The following C20orf96 variants were observed in gnomAD, a reference collection of about 807,000 sequenced individuals.
C20orf96 encodes the protein uncharacterized protein C20orf96.
A neutral mutation model predicts 52.6 loss-of-function variants in C20orf96; 57 were observed. The observed-to-expected ratio is 1.08, with a 90% confidence interval of 0.88 to 1.35. The LOEUF is 1.35. Among genes scored for constraint, C20orf96 ranks in the 40% most tolerant of loss-of-function variants. C20orf96 has a pLI of 0.00. For missense variants in C20orf96, 478 were observed against 443.6 expected (o/e 1.08, Z -0.70); for synonymous variants, 168 against 157.2 (o/e 1.07, Z -0.51).
At chr20:284,320 A>G (rs562482167) in intron 3 of C20orf96, among the ~76,000 whole-genome samples, 1 of 152,306 alleles carries the variant, frequency 6.6e-6, no homozygotes, top group African/African-American at 2.4e-5. Flanking sequence ...AACTATGGAC[A>G]TGGACAGAGG....
Position 279,474 on chromosome 20 carries a change from G to C in C20orf96, c.307-144C>G, listed in dbSNP as rs1203508364. Reference sequence around the variant, plus strand: ...CTGGTAAACGCGGCCCAAGCTGGGCGGTTCCCCATTGTCTGCGCCGCCCGG... The same window carrying C: ...CTGGTAAACGCGGCCCAAGCTGGGCCGTTCCCCATTGTCTGCGCCGCCCGG... On this transcript the variant is annotated intron_variant, in intron 4 of 10. Coordinates refer to ENST00000360321, the MANE Select transcript of C20orf96 (RefSeq NM_153269.3). 160 of 925,294 alleles carry C rather than the reference G, an allele frequency of 1.7e-4. 1 individual carries two copies. Among genetic ancestry groups the C allele is most frequent in the East Asian group, 3.4e-5 (1 of 29,846 alleles). The allele number at this position is 925,294 out of a possible 1,614,324, so 57.3% of individuals were successfully genotyped here. A position where few individuals can be genotyped will look rare whatever the true frequency, so the allele number is the denominator to read the frequency against.
At chr20:282,212 A>G (rs2012271139) in intron 4 of C20orf96, among the ~76,000 whole-genome samples, 2 of 152,156 alleles carry the variant, frequency 1.3e-5, no homozygotes, top group Admixed American at 6.5e-5. Flanking sequence ...GTTAGCACCT[A>G]AACAATTACT....
Position 276,868 on chromosome 20 carries a change from A to G in C20orf96, c.837T>C (p.Arg279=). Residue 279 remains arginine, a synonymous_variant, in exon 9 of 11, where the codon CGT becomes CGC. Coordinates refer to ENST00000360321, the MANE Select transcript of C20orf96 (RefSeq NM_153269.3). ...TCTGTAGGAGAGCCTCTTCATAGGG[A>G]CGCTGGGTTTCCTGTGGAGGAAGAA... is the stretch of plus-strand genomic sequence containing the variant. The part of the protein sequence containing the change: ...ILSSVVAETQ[R]PYEEALLQKM... 6.2e-7 allele frequency: 1 copy of G among 1,613,952 alleles called. No individual in the cohort carries two copies. Among genetic ancestry groups the G allele is most frequent in the South Asian group, 1.1e-5 (1 of 91,062 alleles).
intron 4 of C20orf96, among the ~76,000 whole-genome samples, chr20:281,721 G>A (rs1480986490): frequency 6.6e-6 from 1 of 151,984 alleles, no homozygotes; most frequent in Non-Finnish European, 1.5e-5. Flanking sequence ...GTTCACACCT[G>A]TAATCCCAGC....
At position 279,349 on chromosome 20, in the gene C20orf96, G is replaced by C; in HGVS notation, c.307-19C>G. On this transcript the variant is annotated intron_variant, in intron 4 of 10. Transcript: ENST00000360321. ...GCGAGGTCTGCGGGCGGAGGGAAGAGCAGAGAGGCGGCGCTGCGCCCTGCC... is the reference window on the plus strand; with the variant it reads ...GCGAGGTCTGCGGGCGGAGGGAAGACCAGAGAGGCGGCGCTGCGCCCTGCC... 1 of 1,598,060 alleles carries C rather than the reference G, an allele frequency of 6.3e-7. No homozygotes were observed. The highest frequency in any genetic ancestry group is 1.7e-4 in the Middle Eastern group (1 of 6,028).
rs202151229 is a variant in C20orf96 at position 273,982 on chromosome 20, AAGAC to A, written c.1031+1982_1031+1985del. ...AAGAAAGAAAAAGAAAGAAAAGAGAAAGACAGAGAGAGAAAGAAAGAAAGAAAAA... is the reference window on the plus strand; with the variant it reads ...AAGAAAGAAAAAGAAAGAAAAGAGAAAGAGAGAGAAAGAAAGAAAGAAAAA... On this transcript the variant is annotated intron_variant, in intron 10 of 10. Coordinates refer to ENST00000360321, the MANE Select transcript of C20orf96 (RefSeq NM_153269.3). Among the ~76,000 whole-genome samples the A allele has an allele frequency of 3.2e-3, 477 of 148,498 alleles. 2 individuals carry two copies. The highest frequency in any genetic ancestry group is 0.017 in the East Asian group (83 of 5,028).
At chr20:278,574 C>T in intron 5 of C20orf96, 145 bp from the exon 6 acceptor site, 1 of 672,832 alleles carries the variant, frequency 1.5e-6, no homozygotes, top group Non-Finnish European at 2.7e-6. Context: ...ACAGTGTCCA[C>T]CCATAGGGTT....
chr20:281,164 A>C (rs929158358), intron 4 of C20orf96, among the ~76,000 whole-genome samples: 3 of 149,784 alleles, frequency 2.0e-5, no homozygotes, highest in African/African-American at 7.3e-5. Flanking sequence ...TCTAAAAGTA[A>C]ATAAATAAAT....
chr20:276,967 G>C lies in C20orf96; in HGVS notation c.825+77C>G, dbSNP rs2277780. On this transcript the variant is annotated intron_variant, in intron 8 of 10. Coordinates refer to ENST00000360321, the MANE Select transcript of C20orf96 (RefSeq NM_153269.3). The stretch of plus-strand genomic sequence containing the variant: ...GACCGATGGGGCTGCAGTGGGCCTG[G>C]AGGCAGAGGATGGGGAAGAGGGCGG... 1,954 of 1,597,692 alleles carry C rather than the reference G, an allele frequency of 1.2e-3. 26 individuals carry two copies. In the East Asian group the frequency reaches 0.027, roughly 22 times the overall value.
intron 4 of C20orf96, among the ~76,000 whole-genome samples, chr20:279,868 G>A (rs923239139): frequency 8.5e-5 from 13 of 152,102 alleles, no homozygotes; most frequent in Admixed American, 3.9e-4. Context: ...TACTGGGGAG[G>A]CTGAGGCAGG....
At position 270,955 on chromosome 20, in the gene C20orf96, G is replaced by C; in HGVS notation, c.*252C>G. ...CCAGCAGCACCAACCAGAAAGAAGGGAAGAAGAGAGGAAAAAACCACAGGA... is the reference window on the plus strand; with the variant it reads ...CCAGCAGCACCAACCAGAAAGAAGGCAAGAAGAGAGGAAAAAACCACAGGA... On this transcript the variant is annotated 3_prime_UTR_variant, in exon 11 of 11. Transcript: ENST00000360321. 2.0e-6 allele frequency: 1 copy of C among 505,920 alleles called. No individual in the cohort carries two copies. Among genetic ancestry groups the C allele is most frequent in the Non-Finnish European group, 3.5e-6 (1 of 288,304 alleles). 31.3% of individuals were successfully genotyped at this position (505,920 alleles called of 1,614,324 possible).
At chr20:279,694 G>T (rs1414244832) in intron 4 of C20orf96, among the ~76,000 whole-genome samples, 1 of 152,146 alleles carries the variant, frequency 6.6e-6, no homozygotes, top group Non-Finnish European at 1.5e-5. Flanking sequence ...AGTAAGGGCC[G>T]GGCGGGGTGG....
rs559677541 is a variant in C20orf96, at chr20:274,015, AAG to A, written c.1031+1951_1031+1952del. Among the ~76,000 whole-genome samples the A allele has an allele frequency of 2.2e-4, 34 of 151,496 alleles. No homozygotes were observed. In the South Asian group the frequency reaches 7.2e-3, roughly 32 times the overall value. ...GAGAGAAAGAAAGAAAGAAAAAGAA[AAG>A]AGAGAAAGGAAGGAATGAAGGAAGG... On this transcript the variant is annotated intron_variant, in intron 10 of 10. Coordinates refer to ENST00000360321, the MANE Select transcript of C20orf96 (RefSeq NM_153269.3).
intron 10 of C20orf96, among the ~76,000 whole-genome samples, 180 bp from the exon 11 acceptor site, chr20:271,447 C>CACAG (rs1179767560): frequency 1.6e-5 from 1 of 63,310 alleles, no homozygotes; most frequent in African/African-American, 1.2e-4. Flanking sequence ...CAAGCATACA[C>CACAG]ACACACACAC....
intron 3 of C20orf96, 100 bp from the exon 4 acceptor site, chr20:284,181 C>A (rs1436121918): frequency 7.5e-6 from 6 of 795,828 alleles, no homozygotes; most frequent in Non-Finnish European, 8.7e-6. Flanking sequence ...GGGCCAGACC[C>A]CAGCTCCACC....
At chr20:279,413 G>C (rs1308523251) in intron 4 of C20orf96, 83 bp from the exon 5 acceptor site, 5 of 1,414,260 alleles carry the variant, frequency 3.5e-6, no homozygotes, top group Admixed American at 3.1e-5. Context: ...CCGCCGCCCC[G>C]GCCCCGCCAG....
chr20:276,179 T>C (rs1010403245), intron 9 of C20orf96, 93 bp from the exon 10 acceptor site: 3 of 1,595,084 alleles, frequency 1.9e-6, no homozygotes, highest in African/African-American at 2.7e-5. Flanking sequence ...CAAAGCTATC[T>C]GGGGAAATGG....
chr20:281,781 C>A (rs1395483652), intron 4 of C20orf96, among the ~76,000 whole-genome samples: 5 of 152,094 alleles, frequency 3.3e-5, no homozygotes, highest in Non-Finnish European at 7.4e-5. Flanking sequence ...GAGTTAGAGC[C>A]CTGGGCAACA....
chr20:270,947 AAAGAAGGG>A lies in C20orf96; in HGVS notation c.*252_*259del. ...CACCTGGCCCAGCAGCACCAACCAG[AAAGAAGGG>A]AAGAAGAGAGGAAAAAACCACAGGA... On this transcript the variant is annotated 3_prime_UTR_variant, in exon 11 of 11. Coordinates refer to ENST00000360321, the MANE Select transcript of C20orf96 (RefSeq NM_153269.3). 2.1e-6 allele frequency: 1 copy of A among 484,616 alleles called. No individual in the cohort carries two copies. Among genetic ancestry groups the A allele is most frequent in the African/African-American group, 2.0e-5 (1 of 49,296 alleles). The allele number at this position is 484,616 out of a possible 1,614,324, so 30.0% of individuals were successfully genotyped here.
Sources: allele counts gnomAD v4.1 joint callset (sites outside exome capture counted in the v4.1 genomes callset), GRCh38; gene constraint gnomAD v4.1.1; transcripts MANE v1.5; gene names NCBI Gene and HGNC (gene_info 2026-07-23, HGNC 2026-07-21).